Variants in MOB2 observed in about 807,000 individuals in gnomAD.
The protein encoded by MOB2 is MOB2 Mps One Binder homolog.
A neutral mutation model predicts 27.4 loss-of-function variants in MOB2; 14 were observed. The observed-to-expected ratio is 0.51, with a 90% CI of 0.34 to 0.80. The LOEUF (loss-of-function observed/expected upper bound fraction) is 0.80, where lower values mean the gene tolerates loss of function less well. Among genes scored for constraint, MOB2 ranks in the 30% least tolerant of loss-of-function variants. MOB2 has a pLI of 0.01. For synonymous variants in MOB2, 167 were observed against 151.8 expected (o/e 1.10, Z -0.74); for missense variants, 304 against 354.6 (o/e 0.86, Z 1.15).
At chr11:1,473,432 GGAGGCCCAGCCCCTAAGGGCCAGGCT>G (rs1847818083) in intron 3 of MOB2, 1 of 152,210 alleles carries the variant, frequency 6.6e-6, no homozygotes, top group Non-Finnish European at 1.5e-5. Flanking sequence ...ATGGTGTAGG[GGAGGCCCAGCCCCTAAGGGCCAGGCT>G]GAGGCCCATG....
At chr11:1,482,314 G>A (rs1357946727) in intron 1 of MOB2, among the ~76,000 whole-genome samples, 2 of 152,228 alleles carry the variant, frequency 1.3e-5, no homozygotes, top group East Asian at 1.9e-4. Context: ...CTGTCAGCGC[G>A]CTCACTCTCA....
intron 3 of MOB2, among the ~76,000 whole-genome samples, chr11:1,477,116 T>C (rs1847860201): frequency 6.6e-6 from 1 of 152,182 alleles, no homozygotes; most frequent in South Asian, 2.1e-4. Flanking sequence ...CTCCGTGCTC[T>C]CGCTGACTGT....
intron 4 of MOB2, 106 bp downstream of exon 4, chr11:1,471,189 C>T (rs547254269): frequency 9.8e-6 from 14 of 1,433,324 alleles, no homozygotes; most frequent in African/African-American, 4.3e-5. Flanking sequence ...TGCCGCCCTC[C>T]GTGCCTCTGC....
In MOB2 at chr11:1,470,180, C is replaced by G. The variant is rs1712614628; in HGVS notation, c.799G>C (p.Glu267Gln). 6.2e-7 allele frequency: 1 copy of G among 1,602,250 alleles called. No homozygotes were observed. The highest frequency in any genetic ancestry group is 8.5e-7 in the Non-Finnish European group (1 of 1,174,874). Reference protein sequence around the residue: ...GGPGAQNHVKER With the variant: ...GGPGAQNHVKQR ...TGTCCGGCCCGGGGGGCTCATCTCT[C>G]CTTCACGTGGTTCTGTGCTCCCGGG... Residue 267 changes from glutamate to glutamine, a missense_variant, in exon 5 of 5, where the codon GAG becomes CAG. Coordinates refer to ENST00000329957, the MANE Select transcript of MOB2 (RefSeq NM_001172223.3).
In MOB2 at chr11:1,471,427, G is replaced by A; in HGVS notation, c.366-8C>T. 3.7e-6 allele frequency: 6 copies of A among 1,608,740 alleles called. No individual in the cohort carries two copies. The highest frequency in any genetic ancestry group is 5.1e-6 in the Non-Finnish European group (6 of 1,176,932). On this transcript the variant is annotated splice_polypyrimidine_tract_variant and splice_region_variant and intron_variant, in intron 3 of 4. Coordinates refer to ENST00000329957, the MANE Select transcript of MOB2 (RefSeq NM_001172223.3). ...TCATACCAGTAGTACTGTCTGTGGA[G>A]ACAGAGACACGGTCAGGGCATGCGC... is the stretch of plus-strand genomic sequence containing the variant.
At position 1,470,280 on chromosome 11, in the gene MOB2, G is replaced by A. The variant is rs2133356033; in HGVS notation, c.699C>T (p.Asp233=). ...CCCCGCTGCATAGCACCTCGGTGAG[G>A]TCGTCCATGATGGCGGTCTCTTTGG... ...LDPKETAIMD[D]LTEVLCSGAG... The change falls in exon 5 of 5, where the codon GAC becomes GAT. Residue 233 remains aspartate, a synonymous_variant. Transcript: ENST00000329957. 1 of 1,613,152 alleles carries A rather than the reference G, an allele frequency of 6.2e-7. No homozygotes were observed. Among genetic ancestry groups the A allele is most frequent in the South Asian group, 1.1e-5 (1 of 91,092 alleles).
chr11:1,479,621 G>A lies in MOB2; in HGVS notation c.365+772C>T, dbSNP rs533544655. Among the ~76,000 whole-genome samples, 3 of 152,364 alleles carry A rather than the reference G, an allele frequency of 2.0e-5. No individual in the cohort carries two copies. In the South Asian group the frequency reaches 6.2e-4, roughly 32 times the overall value. On this transcript the variant is annotated intron_variant, in intron 3 of 4. Coordinates refer to ENST00000329957, the MANE Select transcript of MOB2 (RefSeq NM_001172223.3). ...TTGAAGGCAGAACTCAGCTTTGTCT[G>A]GGGACCACGTCTCCCTGTGCCAGGG...
intron 3 of MOB2, among the ~76,000 whole-genome samples, chr11:1,476,735 T>C (rs1195586308): frequency 6.6e-6 from 1 of 152,226 alleles, no homozygotes; most frequent in African/African-American, 2.4e-5. Context: ...ATTAATCCTA[T>C]AAATCCCCTC....
At chr11:1,477,545 T>A (rs1207870931) in intron 3 of MOB2, among the ~76,000 whole-genome samples, 1 of 152,140 alleles carries the variant, frequency 6.6e-6, no homozygotes, top group African/African-American at 2.4e-5. Context: ...AGAACGCTCA[T>A]GAACAGAACT....
chr11:1,478,524 G>A (rs1171468025), intron 3 of MOB2, among the ~76,000 whole-genome samples: 1 of 152,216 alleles, frequency 6.6e-6, no homozygotes, highest in Non-Finnish European at 1.5e-5. Context: ...TTCTAAAAGT[G>A]CCACGGTCAT....
At position 1,471,377 on chromosome 11, in the gene MOB2, G is replaced by A. The variant is rs1295992648; in HGVS notation, c.408C>T (p.Cys136=). ...CGAAGTCAACGTACTGTGGGGCCGT[G>A]CACTTGACCTTCTTCCCCCGCTCGT... ...WYDERGKKVK[C]TAPQYVDFVM... The change falls in exon 4 of 5, where the codon TGC becomes TGT. Residue 136 remains cysteine, a synonymous_variant. Transcript: ENST00000329957. The A allele has an allele frequency of 3.1e-6, 5 of 1,613,442 alleles. No homozygotes were observed. The highest frequency in any genetic ancestry group is 1.3e-5 in the African/African-American group (1 of 74,932).
chr11:1,474,033 C>T (rs187228887), intron 3 of MOB2, among the ~76,000 whole-genome samples: 1 of 152,266 alleles, frequency 6.6e-6, no homozygotes. Flanking sequence ...ACATGGCGTG[C>T]TCATCTATTC....
chr11:1,482,195 C>T (rs759154566), intron 1 of MOB2, among the ~76,000 whole-genome samples: 10 of 152,224 alleles, frequency 6.6e-5, no homozygotes, highest in Non-Finnish European at 7.3e-5. Context: ...GGCTGCCAAG[C>T]GGGCTACAAG....
intron 1 of MOB2, among the ~76,000 whole-genome samples, chr11:1,483,397 C>G (rs1002730059): frequency 5.9e-5 from 9 of 152,216 alleles, no homozygotes; most frequent in African/African-American, 1.9e-4. Context: ...TCCGTGACCA[C>G]TTGGAAGAAG....
chr11:1,486,033 C>T (rs949732847), intron 1 of MOB2, among the ~76,000 whole-genome samples: 6 of 152,232 alleles, frequency 3.9e-5, no homozygotes, highest in African/African-American at 1.2e-4. Flanking sequence ...AACAGCCGCA[C>T]GCTGGGACAA....
chr11:1,485,235 T>C (rs972453959), intron 1 of MOB2, among the ~76,000 whole-genome samples: 3 of 152,246 alleles, frequency 2.0e-5, no homozygotes, highest in Non-Finnish European at 4.4e-5. Flanking sequence ...GGCCTGCCTC[T>C]GTGTCTCCTG....
chr11:1,482,661 C>T (rs922928853), intron 1 of MOB2, among the ~76,000 whole-genome samples: 5 of 152,240 alleles, frequency 3.3e-5, no homozygotes, highest in Non-Finnish European at 5.9e-5. Flanking sequence ...CCAGGGCTGG[C>T]CGGGCCCCGG....
chr11:1,471,134 C>G (rs1247067254), intron 4 of MOB2, among the ~76,000 whole-genome samples, 161 bp downstream of exon 4: 3 of 152,236 alleles, frequency 2.0e-5, no homozygotes, highest in South Asian at 2.1e-4. Flanking sequence ...CCTCACCCCA[C>G]AGCCCAGGTG....
chr11:1,480,765 C>T lies in MOB2; in HGVS notation c.231G>A (p.Leu77=). The change falls in exon 2 of 5, where the codon CTG becomes CTA. Residue 77 remains leucine, a synonymous_variant. Transcript: ENST00000329957. ...TDFQFKELVV[L]PREIDLNEWL... ...ACTCGTTAAGGTCAATCTCGCGGGG[C>T]AGCACCACCAGCTCCTTGAACTGGA... 6.2e-7 allele frequency: 1 copy of T among 1,605,400 alleles called. No individual in the cohort carries two copies. The highest frequency in any genetic ancestry group is 8.5e-7 in the Non-Finnish European group (1 of 1,176,502).
Sources: gnomAD v4.1 joint callset for allele counts (sites outside exome capture counted in the v4.1 genomes callset) on GRCh38, gnomAD v4.1.1 for gene constraint, MANE v1.5 for transcripts, NCBI Gene and HGNC (gene_info 2026-07-23, HGNC 2026-07-21) for gene names.